The following GRAMD2B variants were observed in gnomAD, a reference collection of about 807,000 sequenced individuals.
GRAMD2B encodes the protein GRAM domain containing 2B.
In GRAMD2B, 41 loss-of-function variants were observed where a neutral mutation model predicts 59.2. The observed-to-expected ratio is 0.69, with a 90% confidence interval of 0.54 to 0.90. The LOEUF (loss-of-function observed/expected upper bound fraction) is 0.90, where lower values mean the gene tolerates loss of function less well. Among genes scored for constraint, GRAMD2B ranks in the 40% least tolerant of loss-of-function variants. The probability of loss-of-function intolerance (pLI) is 0.00; values close to 1 mark genes in which losing one functional copy is unlikely to be tolerated. For missense variants in GRAMD2B, 424 were observed against 500.5 expected (o/e 0.85, Z 1.46); for synonymous variants, 161 against 182.7 (o/e 0.88, Z 0.96).
At chr5:126,430,451 T>C (rs1175304796) in intron 1 of GRAMD2B, among the ~76,000 whole-genome samples, 1 of 152,176 alleles carries the variant, frequency 6.6e-6, no homozygotes, top group Non-Finnish European at 1.5e-5. Context: ...ACCATCACCA[T>C]AACCCAGTTT....
intron 1 of GRAMD2B, among the ~76,000 whole-genome samples, chr5:126,401,586 C>T (rs1330423982): frequency 6.6e-6 from 1 of 151,926 alleles, no homozygotes. Context: ...TCTTTACTGA[C>T]TGGCTTCAAG....
intron 1 of GRAMD2B, 158 bp from the exon 2 acceptor site, chr5:126,465,268 A>G (rs1248900522): frequency 3.6e-5 from 53 of 1,473,086 alleles, no homozygotes; most frequent in Non-Finnish European, 4.8e-5. Context: ...AGGGGTTAGA[A>G]TGGAGATTGG....
At chr5:126,450,693 T>A (rs1765190216) in intron 1 of GRAMD2B, among the ~76,000 whole-genome samples, 2 of 145,500 alleles carry the variant, frequency 1.4e-5, no homozygotes, top group South Asian at 4.5e-4. Context: ...GCTCACTCTG[T>A]CCCGGCCAGT....
At chr5:126,447,955 G>A (rs934919462) in intron 1 of GRAMD2B, among the ~76,000 whole-genome samples, 1 of 151,830 alleles carries the variant, frequency 6.6e-6, no homozygotes, top group Non-Finnish European at 1.5e-5. Context: ...CGCCTCCCAG[G>A]TTCAAGCAAT....
At chr5:126,369,664 TTGAG>T (rs1169089631), upstream of GRAMD2B, among the ~76,000 whole-genome samples, 6 of 152,206 alleles carry the variant, frequency 3.9e-5, no homozygotes, top group African/African-American at 1.2e-4. Context: ...TATCAGTTGA[TTGAG>T]TGAGTACGAG....
intron 1 of GRAMD2B, among the ~76,000 whole-genome samples, chr5:126,392,303 G>T (rs1217700387): frequency 6.6e-6 from 1 of 152,182 alleles, no homozygotes; most frequent in Non-Finnish European, 1.5e-5. Context: ...ACATAGTAAG[G>T]TGGATCACAG....
intron 4 of GRAMD2B, 129 bp from the exon 5 acceptor site, chr5:126,473,136 G>T: frequency 2.4e-6 from 1 of 408,266 alleles, no homozygotes; most frequent in Non-Finnish European, 4.5e-6. Flanking sequence ...GATGACAGAA[G>T]AAGAGGTAAT....
intron 1 of GRAMD2B, among the ~76,000 whole-genome samples, chr5:126,389,055 T>A (rs1184492038): frequency 1.3e-5 from 2 of 152,116 alleles, no homozygotes; most frequent in Non-Finnish European, 2.9e-5. Context: ...TAACAATAAT[T>A]CTTATTTGCA....
In GRAMD2B at chr5:126,463,213, CT is replaced by C. The variant is rs1316058531; in HGVS notation, c.84-2212del. ...GAGTGGCTCTCTGTACACAAAGATG[CT>C]GTATAGGACAGCTCCAGCTCTCCCT... On this transcript the variant is annotated intron_variant, in intron 1 of 13. Transcript: ENST00000285689. 6.6e-5 allele frequency among the ~76,000 whole-genome samples: 10 copies of C among 152,336 alleles called. No individual in the cohort carries two copies. In the East Asian group the frequency reaches 1.7e-3, roughly 26 times the overall value.
chr5:126,380,128 C>T (rs561380988), intron 1 of GRAMD2B, among the ~76,000 whole-genome samples: 140 of 152,262 alleles, frequency 9.2e-4, no homozygotes, highest in Non-Finnish European at 1.6e-3. Flanking sequence ...CTGCATGTGG[C>T]TTACCAATTA....
chr5:126,407,158 G>A (rs1252267065), intron 1 of GRAMD2B, among the ~76,000 whole-genome samples: 5 of 151,994 alleles, frequency 3.3e-5, no homozygotes, highest in African/African-American at 4.8e-5. Context: ...GAGGTAAGTA[G>A]CCTACTTGGA....
chr5:126,457,178 C>T (rs1436678918), intron 1 of GRAMD2B, among the ~76,000 whole-genome samples: 26 of 104,936 alleles, frequency 2.5e-4, no homozygotes, highest in African/African-American at 8.1e-4. Flanking sequence ...GGCGACAGTG[C>T]GAGACTCCGT....
intron 1 of GRAMD2B, among the ~76,000 whole-genome samples, chr5:126,435,192 T>G (rs1580970313): frequency 1.3e-5 from 2 of 152,296 alleles, no homozygotes; most frequent in Non-Finnish European, 2.9e-5. Context: ...GGGAATGGGA[T>G]GCATACCCAC....
intron 1 of GRAMD2B, among the ~76,000 whole-genome samples, chr5:126,441,911 T>A (rs796076252): frequency 6.6e-5 from 10 of 152,286 alleles, no homozygotes; most frequent in African/African-American, 2.4e-4. Flanking sequence ...CTGAAATCTC[T>A]GTTTCCTCGC....
intron 10 of GRAMD2B, among the ~76,000 whole-genome samples, 161 bp from the exon 11 acceptor site, chr5:126,485,525 T>A (rs1459242466): frequency 6.6e-6 from 1 of 152,204 alleles, no homozygotes; most frequent in Non-Finnish European, 1.5e-5. Flanking sequence ...TTGGAAGGAA[T>A]TGTAACCACT....
chr5:126,409,459 T>C (rs1758565191), intron 1 of GRAMD2B, among the ~76,000 whole-genome samples: 1 of 152,342 alleles, frequency 6.6e-6, no homozygotes, highest in East Asian at 1.9e-4. Context: ...CATTTTTTCA[T>C]GTGTTTTTTG....
At chr5:126,431,553 C>G (rs74900385) in intron 1 of GRAMD2B, among the ~76,000 whole-genome samples, 6,071 of 152,220 alleles carry the variant, frequency 0.04, 424 homozygotes, top group African/African-American at 0.14. Context: ...TGATCCTAGA[C>G]AGACCCCCTA....
chr5:126,429,843 T>G (rs1761279685), intron 1 of GRAMD2B, among the ~76,000 whole-genome samples: 1 of 152,242 alleles, frequency 6.6e-6, no homozygotes, highest in South Asian at 2.1e-4. Context: ...AAGGATCTCA[T>G]GCCATGAGTA....
chr5:126,415,465 T>G (rs966921172), intron 1 of GRAMD2B, among the ~76,000 whole-genome samples: 1 of 151,594 alleles, frequency 6.6e-6, no homozygotes, highest in Non-Finnish European at 1.5e-5. Context: ...TGGCCTGACA[T>G]GTAAAAGGCA....
Sources: gnomAD v4.1 joint callset for allele counts (sites outside exome capture counted in the v4.1 genomes callset) on GRCh38, gnomAD v4.1.1 for gene constraint, MANE v1.5 for transcripts, NCBI Gene and HGNC (gene_info 2026-07-23, HGNC 2026-07-21) for gene names.